Variants in PARD3 observed in about 807,000 individuals in gnomAD.
PARD3 encodes the protein partitioning defective 3 homolog.
Under a neutral mutation model 155.4 loss-of-function variants are expected in PARD3, and 75 were observed. That is an observed-to-expected ratio of 0.48 (90% CI 0.40 to 0.58). The LOEUF is 0.58. Among genes scored for constraint, PARD3 ranks in the 20% least tolerant of loss-of-function variants. The probability of loss-of-function intolerance (pLI) is 0.00; values close to 1 mark genes in which losing one functional copy is unlikely to be tolerated. For missense variants in PARD3, 1,642 were observed against 1,721.7 expected (o/e 0.95, Z 0.82); for synonymous variants, 576 against 610.5 (o/e 0.94, Z 0.83).
chr10:34,119,533 T>G, intron 24 of PARD3, 80 bp downstream of exon 24: 1 of 1,399,734 alleles, frequency 7.1e-7, no homozygotes, highest in Non-Finnish European at 9.6e-7. Flanking sequence ...CCCAGTGACT[T>G]GGGAAGGAGC....
At chr10:34,428,058 A>G (rs1304043631) in intron 5 of PARD3, among the ~76,000 whole-genome samples, 1 of 152,180 alleles carries the variant, frequency 6.6e-6, no homozygotes, top group Non-Finnish European at 1.5e-5. Context: ...AAAAAACGAC[A>G]TCATCCCACA....
At chr10:34,566,355 G>A (rs2085942644) in intron 2 of PARD3, among the ~76,000 whole-genome samples, 1 of 152,158 alleles carries the variant, frequency 6.6e-6, no homozygotes, top group Non-Finnish European at 1.5e-5. Context: ...CACAGATTTT[G>A]ACTAATTCCA....
At chr10:34,348,360 G>T (rs1837646017) in intron 14 of PARD3, among the ~76,000 whole-genome samples, 1 of 152,112 alleles carries the variant, frequency 6.6e-6, no homozygotes, top group South Asian at 2.1e-4. Context: ...GGAAAAATAT[G>T]TATATTTAAG....
intron 1 of PARD3, among the ~76,000 whole-genome samples, chr10:34,706,837 G>A (rs1246503036): frequency 6.6e-6 from 1 of 152,156 alleles, no homozygotes; most frequent in Non-Finnish European, 1.5e-5. Flanking sequence ...GCCAGGTGTT[G>A]TGGCTCACGC....
chr10:34,317,367 C>A, intron 19 of PARD3, 29 bp from the exon 20 acceptor site: 1 of 1,568,722 alleles, frequency 6.4e-7, no homozygotes, highest in South Asian at 1.2e-5. Context: ...AAAATAGGGA[C>A]ACAGTGAACC....
At chr10:34,782,567 G>A (rs923899862) in intron 1 of PARD3, among the ~76,000 whole-genome samples, 7 of 152,088 alleles carry the variant, frequency 4.6e-5, no homozygotes, top group African/African-American at 4.8e-5. Context: ...TTGGCTGATC[G>A]AAAGACTTAA....
intron 2 of PARD3, among the ~76,000 whole-genome samples, chr10:34,615,000 A>G (rs2132654672): frequency 6.6e-6 from 1 of 152,264 alleles, no homozygotes; most frequent in African/African-American, 2.4e-5. Context: ...AACACAGTGA[A>G]ACCACGTCTC....
At chr10:34,493,563 C>T (rs975475720) in intron 3 of PARD3, among the ~76,000 whole-genome samples, 9 of 152,014 alleles carry the variant, frequency 5.9e-5, no homozygotes, top group Non-Finnish European at 1.3e-4. Context: ...AAAACCCCAT[C>T]TCTATTAAAA....
chr10:34,461,144 A>G (rs544387594), intron 4 of PARD3, among the ~76,000 whole-genome samples: 1 of 152,346 alleles, frequency 6.6e-6, no homozygotes, highest in East Asian at 1.9e-4. Context: ...AAATTAAAAG[A>G]AAGGATGTTT....
intron 22 of PARD3, among the ~76,000 whole-genome samples, chr10:34,208,862 G>T (rs1012422301): frequency 2.6e-5 from 4 of 152,058 alleles, no homozygotes; most frequent in Admixed American, 1.3e-4. Flanking sequence ...AAATTAAAAA[G>T]GGAGCCCACA....
chr10:34,215,552 A>AAGG (rs1951964210), intron 22 of PARD3, among the ~76,000 whole-genome samples: 2 of 152,358 alleles, frequency 1.3e-5, no homozygotes, highest in African/African-American at 4.8e-5. Context: ...CATGAAACTT[A>AAGG]AGGACAACTT....
intron 20 of PARD3, among the ~76,000 whole-genome samples, chr10:34,294,698 C>T (rs1241392240): frequency 6.6e-6 from 1 of 152,158 alleles, no homozygotes; most frequent in African/African-American, 2.4e-5. Context: ...CAATAAAGGG[C>T]TCTGTGGAAA....
chr10:34,385,862 A>T (rs1285757982), intron 7 of PARD3, among the ~76,000 whole-genome samples: 3 of 152,228 alleles, frequency 2.0e-5, no homozygotes, highest in Non-Finnish European at 4.4e-5. Context: ...TAAGGTCTTG[A>T]TAAATGACAA....
intron 2 of PARD3, among the ~76,000 whole-genome samples, chr10:34,671,990 C>T (rs1279201012): frequency 4.0e-5 from 6 of 151,806 alleles, no homozygotes; most frequent in Non-Finnish European, 8.8e-5. Flanking sequence ...GCCTGGGCAA[C>T]ATAGGGAGAC....
At chr10:34,374,578 G>A (rs768495678) in intron 11 of PARD3, among the ~76,000 whole-genome samples, 5 of 152,114 alleles carry the variant, frequency 3.3e-5, no homozygotes, top group African/African-American at 7.2e-5. Context: ...AATAATCGGC[G>A]TCTCTGTATT....
At chr10:34,657,032 C>T (rs547497885) in intron 2 of PARD3, among the ~76,000 whole-genome samples, 4 of 152,274 alleles carry the variant, frequency 2.6e-5, no homozygotes, top group South Asian at 2.1e-4. Flanking sequence ...TGTAGAATTA[C>T]GATCTGATGC....
chr10:34,345,566 C>T (rs61842492), intron 15 of PARD3: 95,189 of 984,504 alleles, frequency 0.097, 4,914 homozygotes, highest in Non-Finnish European at 0.1. Flanking sequence ...AATATCTATG[C>T]GCCTAGATAC....
intron 20 of PARD3, 45 bp downstream of exon 20, chr10:34,317,062 C>T (rs758021478): frequency 1.3e-6 from 2 of 1,507,144 alleles, no homozygotes; most frequent in Non-Finnish European, 1.8e-6. Flanking sequence ...AGCTCACACT[C>T]CTGTATGTTT....
chr10:34,736,911 A>G (rs1199877321), intron 1 of PARD3, among the ~76,000 whole-genome samples: 3 of 151,918 alleles, frequency 2.0e-5, no homozygotes, highest in Non-Finnish European at 4.4e-5. Flanking sequence ...TCCTGACCTC[A>G]AGTGATCTGC....
Sources: gnomAD v4.1 joint callset for allele counts (sites outside exome capture counted in the v4.1 genomes callset) on GRCh38, gnomAD v4.1.1 for gene constraint, MANE v1.5 for transcripts, NCBI Gene and HGNC (gene_info 2026-07-23, HGNC 2026-07-21) for gene names.